Variants in TMEM245 observed in about 807,000 individuals in gnomAD.
TMEM245 encodes the protein transmembrane protein 245, also known as protein CG-2.
In TMEM245, 69 loss-of-function variants were observed where a neutral mutation model predicts 101.2. The ratio of observed to expected loss-of-function variants is 0.68; its 90% CI spans 0.56 to 0.83. TMEM245 has a LOEUF of 0.83. TMEM245 is among the 40% of genes least tolerant of loss of function. The pLI is 0.00. For synonymous variants in TMEM245, 537 were observed against 449.8 expected (o/e 1.19, Z -2.45); for missense variants, 1,075 against 1,092.8 (o/e 0.98, Z 0.23).
chr9:109,029,895 T>C (rs1006675154), intron 17 of TMEM245, among the ~76,000 whole-genome samples: 1 of 152,044 alleles, frequency 6.6e-6, no homozygotes, highest in African/African-American at 2.4e-5. Context: ...TATAAGTACA[T>C]GGAAAGCAAA....
intron 3 of TMEM245, among the ~76,000 whole-genome samples, chr9:109,102,034 G>A (rs749334154): frequency 2.6e-5 from 4 of 152,180 alleles, no homozygotes; most frequent in African/African-American, 4.8e-5. Context: ...TGGCATAAGA[G>A]GTAAAGGGTA....
intron 8 of TMEM245, among the ~76,000 whole-genome samples, chr9:109,077,363 G>A (rs894954720): frequency 5.3e-5 from 8 of 152,060 alleles, no homozygotes; most frequent in Admixed American, 3.3e-4. Flanking sequence ...TGTTGCCTAG[G>A]TTGGTCTTAA....
At chr9:109,097,875 G>A (rs764657449) in intron 3 of TMEM245, among the ~76,000 whole-genome samples, 1 of 152,162 alleles carries the variant, frequency 6.6e-6, no homozygotes, top group Non-Finnish European at 1.5e-5. Context: ...GAGCCAAGAT[G>A]GCACCACTGC....
intron 10 of TMEM245, 41 bp from the exon 11 acceptor site, chr9:109,060,493 G>T: frequency 7.2e-7 from 1 of 1,398,024 alleles, no homozygotes; most frequent in Non-Finnish European, 1.0e-6. Flanking sequence ...AATATTTCAG[G>T]CAACAACAGA....
chr9:109,043,433 T>C (rs1288491509), intron 14 of TMEM245, among the ~76,000 whole-genome samples: 1 of 152,152 alleles, frequency 6.6e-6, no homozygotes. Flanking sequence ...TTACATCAAG[T>C]TTACCAGTCT....
At chr9:109,089,264 A>G (rs1159954378) in intron 5 of TMEM245, among the ~76,000 whole-genome samples, 1 of 152,184 alleles carries the variant, frequency 6.6e-6, no homozygotes, top group African/African-American at 2.4e-5. Flanking sequence ...TACAAACTTC[A>G]ACCATTTATA....
At position 109,017,777 on chromosome 9, in the gene TMEM245, A is replaced by G. The variant is rs1367370320; in HGVS notation, c.*2683T>C. ...TAGGTTATCTTTGAGACTTGAGCTT[A>G]AAACTCCTACCTTTTCATACCACTT... On this transcript the variant is annotated 3_prime_UTR_variant, in exon 18 of 18. Transcript: ENST00000374586. 6.6e-6 allele frequency: 1 copy of G among 152,220 alleles called. No homozygotes were observed. The highest frequency in any genetic ancestry group is 2.4e-5 in the African/African-American group (1 of 41,466). 9.4% of individuals were successfully genotyped at this position (152,220 alleles called of 1,614,324 possible).
intron 3 of TMEM245, among the ~76,000 whole-genome samples, chr9:109,102,044 A>G (rs1159047076): frequency 6.6e-6 from 1 of 152,232 alleles, no homozygotes; most frequent in East Asian, 1.9e-4. Context: ...GGTAAAGGGT[A>G]AGCAGAACTG....
chr9:109,096,951 AGGCGACTAGGCTATAT>A (rs1392824561), intron 3 of TMEM245, among the ~76,000 whole-genome samples: 1 of 152,242 alleles, frequency 6.6e-6, no homozygotes, highest in East Asian at 1.9e-4. Context: ...TTCACCAAAT[AGGCGACTAGGCTATAT>A]GCTGATATAA....
Position 109,119,362 on chromosome 9 carries a change from G to C in TMEM245, c.552C>G (p.Arg184=). 6.5e-7 allele frequency: 1 copy of C among 1,531,540 alleles called. No individual in the cohort carries two copies. The highest frequency in any genetic ancestry group is 8.7e-7 in the Non-Finnish European group (1 of 1,143,130). The allele number at this position is 1,531,540 out of a possible 1,614,324, so 94.9% of individuals were successfully genotyped here. The part of the protein sequence containing the change: ...LLVHAATLIC[R]GLDYFSSLWI... ...ACAGGCTGCTGAAGTAGTCCAGCCC[G>C]CGGCAGATGAGCGTGGCAGCGTGCA... Residue 184 remains arginine (R), a synonymous_variant, in exon 1 of 18, where the codon CGC becomes CGG. Coordinates refer to ENST00000374586, the MANE Select transcript of TMEM245 (RefSeq NM_032012.4).
At chr9:109,035,824 C>A (rs1828101487) in intron 16 of TMEM245, among the ~76,000 whole-genome samples, 1 of 151,090 alleles carries the variant, frequency 6.6e-6, no homozygotes. Flanking sequence ...AATCCTAGTG[C>A]CTTGGGAAGT....
intron 3 of TMEM245, among the ~76,000 whole-genome samples, chr9:109,102,468 G>T (rs1368996653): frequency 6.6e-6 from 1 of 152,132 alleles, no homozygotes; most frequent in Non-Finnish European, 1.5e-5. Flanking sequence ...ATACACCAGA[G>T]TACCACAAAC....
chr9:109,033,170 T>A, intron 17 of TMEM245, 137 bp downstream of exon 17: 1 of 977,166 alleles, frequency 1.0e-6, no homozygotes, highest in Non-Finnish European at 1.4e-6. Context: ...TTACTTAGTG[T>A]CTTCTGCAAC....
intron 7 of TMEM245, among the ~76,000 whole-genome samples, chr9:109,084,775 T>C (rs896593696): frequency 6.6e-6 from 1 of 152,196 alleles, no homozygotes; most frequent in Non-Finnish European, 1.5e-5. Flanking sequence ...TTGCCAAGGA[T>C]TGAACTCACT....
intron 3 of TMEM245, among the ~76,000 whole-genome samples, chr9:109,094,247 A>G (rs958815312): frequency 1.3e-5 from 2 of 152,200 alleles, no homozygotes; most frequent in Non-Finnish European, 2.9e-5. Context: ...AAGTCTGTCA[A>G]CCTTTAACCT....
At chr9:109,047,842 C>G (rs1338507507) in intron 14 of TMEM245, among the ~76,000 whole-genome samples, 1 of 152,222 alleles carries the variant, frequency 6.6e-6, no homozygotes, top group Non-Finnish European at 1.5e-5. Flanking sequence ...AGAATTCCTA[C>G]CAGCCTTTGA....
At chr9:109,032,355 A>ATTTCT (rs1332330813) in intron 17 of TMEM245, among the ~76,000 whole-genome samples, 22 of 48,650 alleles carry the variant, frequency 4.5e-4, no homozygotes, top group African/African-American at 8.8e-4. Context: ...TGGTTGTCCT[A>ATTTCT]TTTCTTTTCC....
chr9:109,080,986 A>T, intron 7 of TMEM245, 43 bp from the exon 8 acceptor site: 1 of 1,273,152 alleles, frequency 7.9e-7, no homozygotes, highest in Non-Finnish European at 1.1e-6. Flanking sequence ...TTTAAAGTAG[A>T]ACTTTAAAAA....
intron 3 of TMEM245, among the ~76,000 whole-genome samples, chr9:109,094,369 G>A (rs976392396): frequency 6.6e-6 from 1 of 152,190 alleles, no homozygotes; most frequent in Non-Finnish European, 1.5e-5. Flanking sequence ...CCCTGCAGCC[G>A]AGGTCTCACA....
Sources: allele counts gnomAD v4.1 joint callset (sites outside exome capture counted in the v4.1 genomes callset), GRCh38; gene constraint gnomAD v4.1.1; transcripts MANE v1.5; gene names NCBI Gene and HGNC (gene_info 2026-07-23, HGNC 2026-07-21).